Variants in PDZRN4 observed in about 807,000 individuals in gnomAD.
PDZRN4 encodes the protein PDZ domain containing ring finger 4.
PDZRN4 carries 70 observed loss-of-function variants against 99.0 expected under a neutral mutation model. The ratio of observed to expected loss-of-function variants is 0.71; its 90% CI spans 0.58 to 0.86. The LOEUF (loss-of-function observed/expected upper bound fraction) is 0.86. Among genes scored for constraint, PDZRN4 ranks in the 40% least tolerant of loss-of-function variants. The pLI is 0.00. For synonymous variants in PDZRN4, 551 were observed against 501.6 expected (o/e 1.10, Z -1.32); for missense variants, 1,474 against 1,331.2 (o/e 1.11, Z -1.67).
At chr12:41,520,345 G>A (rs1938472352) in intron 5 of PDZRN4, among the ~76,000 whole-genome samples, 1 of 151,800 alleles carries the variant, frequency 6.6e-6, no homozygotes, top group African/African-American at 2.4e-5. Context: ...CTTCAATATG[G>A]CTGACCTTGT....
chr12:41,545,518 T>C (rs1938932830), intron 5 of PDZRN4, among the ~76,000 whole-genome samples: 1 of 74,160 alleles, frequency 1.3e-5, no homozygotes, highest in African/African-American at 5.9e-5. Context: ...AATGTGTGTG[T>C]GTGTGTGTGT....
rs1592051139 is a variant in PDZRN4 at position 41,415,587 on chromosome 12, G to C, written c.844-90869G>C. ...TTGTTGTAAAGCATCCAACATTTTG[G>C]TGAAATTCAGACTTTGGGGAAGTAT... On this transcript the variant is annotated intron_variant, in intron 3 of 9. Transcript: ENST00000402685. 2.0e-5 allele frequency among the ~76,000 whole-genome samples: 3 copies of C among 152,098 alleles called. No individual in the cohort carries two copies. The South Asian group carries it at 6.2e-4, about 32-fold the overall frequency.
chr12:41,301,718 A>C (rs989083596), intron 3 of PDZRN4, among the ~76,000 whole-genome samples: 1 of 151,828 alleles, frequency 6.6e-6, no homozygotes, highest in Non-Finnish European at 1.5e-5. Context: ...ATAGCAAGAG[A>C]AAACAAGGTT....
intron 3 of PDZRN4, among the ~76,000 whole-genome samples, chr12:41,244,165 T>G (rs1951118269): frequency 6.6e-6 from 1 of 152,076 alleles, no homozygotes; most frequent in Admixed American, 6.5e-5. Flanking sequence ...CTCCCCCAAT[T>G]TGGTAAATGG....
Position 41,573,100 on chromosome 12 carries a change from G to A in PDZRN4, c.2321G>A (p.Ser774Asn). The change falls in exon 10 of 10, where the codon AGC becomes AAC. Residue 774 changes from serine to asparagine, a missense_variant. By Grantham distance (46) the Ser-to-Asn change is conservative (BLOSUM62 1). Coordinates refer to ENST00000402685, the MANE Select transcript of PDZRN4 (RefSeq NM_001164595.2). ...INLTNKKNLR[S>N]TMAATQSSSG... ...CTCACCAATAAGAAAAACCTGAGAA[G>A]CACAATGGCAGCCACCCAGTCCTCT... The A allele has an allele frequency of 6.2e-7, 1 of 1,614,072 alleles. No individual in the cohort carries two copies. The highest frequency in any genetic ancestry group is 8.5e-7 in the Non-Finnish European group (1 of 1,180,002).
rs774460540 is a variant in PDZRN4, at chr12:41,189,024, G to T, written c.569G>T (p.Arg190Leu). ...ALQGEVQLTA[R>L]RYQEKFTQYM... ...CAGGGCGAGGTGCAGCTCACGGCGC[G>T]CAGGTACCAGGAGAAGTTCACCCAA... The change falls in exon 1 of 10, where the codon CGC (arginine) becomes CTC (leucine). Residue 190 changes from arginine (R) to leucine (L), a missense_variant. Transcript: ENST00000402685. The T allele has an allele frequency of 2.6e-6, 4 of 1,563,474 alleles. No homozygotes were observed. The highest frequency in any genetic ancestry group is 3.4e-6 in the Non-Finnish European group (4 of 1,162,930).
intron 3 of PDZRN4, among the ~76,000 whole-genome samples, chr12:41,256,359 G>GA (rs1393777658): frequency 6.6e-6 from 1 of 151,718 alleles, no homozygotes; most frequent in Non-Finnish European, 1.5e-5. Flanking sequence ...TTTGCTCATT[G>GA]AAAAAAAATT....
intron 3 of PDZRN4, among the ~76,000 whole-genome samples, chr12:41,221,692 A>G (rs1401768322): frequency 6.6e-6 from 1 of 152,064 alleles, no homozygotes; most frequent in African/African-American, 2.4e-5. Flanking sequence ...TTAGCGGTCA[A>G]ATTACGGTGA....
chr12:41,270,701 C>G lies in PDZRN4; in HGVS notation c.843+76513C>G, dbSNP rs1232586097. Among the ~76,000 whole-genome samples, 4 of 152,066 alleles carry G rather than the reference C, an allele frequency of 2.6e-5. No individual in the cohort carries two copies. The East Asian group carries it at 7.7e-4, about 29-fold the overall frequency. On this transcript the variant is annotated intron_variant, in intron 3 of 9. Coordinates refer to ENST00000402685, the MANE Select transcript of PDZRN4 (RefSeq NM_001164595.2). ...TAACTATTTCTTGATATTTTTATAT[C>G]CTAACAGGATAGAGATGCAGCCAGT...
At chr12:41,441,157 T>C (rs1392390434) in intron 3 of PDZRN4, among the ~76,000 whole-genome samples, 1 of 152,146 alleles carries the variant, frequency 6.6e-6, no homozygotes, top group Non-Finnish European at 1.5e-5. Flanking sequence ...TAGAAGACCA[T>C]ACTATTAACA....
chr12:41,543,857 A>G (rs958848626), intron 5 of PDZRN4, among the ~76,000 whole-genome samples: 10 of 152,220 alleles, frequency 6.6e-5, no homozygotes, highest in Non-Finnish European at 1.3e-4. Context: ...TACCCAGTGA[A>G]CTAAATAAAA....
At chr12:41,477,980 T>C (rs1565593420) in intron 3 of PDZRN4, 1 of 1,048,068 alleles carries the variant, frequency 9.5e-7, no homozygotes, top group Non-Finnish European at 1.4e-6. Flanking sequence ...GTGAGCGAAT[T>C]AATCTACATG....
Position 41,188,547 on chromosome 12 carries a change from C to A in PDZRN4, c.92C>A (p.Thr31Lys), listed in dbSNP as rs1190306414. The A allele has an allele frequency of 6.4e-7, 1 of 1,566,492 alleles. No individual in the cohort carries two copies. Residue 31 changes from threonine to lysine, a missense_variant, in exon 1 of 10, where the codon ACG becomes AAG. Coordinates refer to ENST00000402685, the MANE Select transcript of PDZRN4 (RefSeq NM_001164595.2). ...CGQVLEEPLC[T>K]PCGHVFCASC... Reference sequence around the variant, plus strand: ...CAGGTGCTTGAAGAGCCCCTGTGCACGCCGTGCGGGCACGTCTTCTGCGCC... The same window carrying A: ...CAGGTGCTTGAAGAGCCCCTGTGCAAGCCGTGCGGGCACGTCTTCTGCGCC...
chr12:41,288,307 C>T (rs1319638352), intron 3 of PDZRN4, among the ~76,000 whole-genome samples: 2 of 152,046 alleles, frequency 1.3e-5, no homozygotes, highest in African/African-American at 4.8e-5. Context: ...AACTTTTACT[C>T]CTGAGGTCTG....
intron 5 of PDZRN4, among the ~76,000 whole-genome samples, chr12:41,535,812 A>C (rs1938739177): frequency 6.6e-6 from 1 of 152,080 alleles, no homozygotes; most frequent in Admixed American, 6.5e-5. Context: ...GAGGTTCTTC[A>C]CCAGATGCTG....
chr12:41,401,060 GTGAC>G, intron 3 of PDZRN4, among the ~76,000 whole-genome samples: 1 of 152,094 alleles, frequency 6.6e-6, no homozygotes, highest in African/African-American at 2.4e-5. Flanking sequence ...TTTCAAAGAG[GTGAC>G]TAATCATAAT....
chr12:41,198,627 G>A (rs1460362586), intron 3 of PDZRN4, among the ~76,000 whole-genome samples: 1 of 128,982 alleles, frequency 7.8e-6, no homozygotes, highest in Non-Finnish European at 1.6e-5. Flanking sequence ...GGGGGAGGGG[G>A]GAGGGATAGC....
In PDZRN4 at chr12:41,188,863, A is replaced by C. The variant is rs1303962168; in HGVS notation, c.408A>C (p.Thr136=). The C allele has an allele frequency of 4.2e-6, 5 of 1,204,246 alleles. No individual in the cohort carries two copies. In the African/African-American group the frequency reaches 8.0e-5, roughly 19 times the overall value. 74.6% of individuals were successfully genotyped at this position (1,204,246 alleles called of 1,614,324 possible). ...CCGCGCGGGGGGGCTGCGGTCCGACACCCAGGGCTGGCCGGGGCGGGGGCG... is the reference window on the plus strand; with the variant it reads ...CCGCGCGGGGGGGCTGCGGTCCGACCCCCAGGGCTGGCCGGGGCGGGGGCG... The part of the protein sequence containing the change: ...EVPARGGCGP[T]PRAGRGGGAR... Residue 136 remains threonine (T), a synonymous_variant, in exon 1 of 10, where the codon ACA becomes ACC. Transcript: ENST00000402685.
chr12:41,281,387 G>A (rs528047213), intron 3 of PDZRN4, among the ~76,000 whole-genome samples: 16 of 147,968 alleles, frequency 1.1e-4, no homozygotes, highest in African/African-American at 3.4e-4. Flanking sequence ...GACAGAAGTA[G>A]GCTTCAGAAG....
Sources: allele counts gnomAD v4.1 joint callset (sites outside exome capture counted in the v4.1 genomes callset), GRCh38; gene constraint gnomAD v4.1.1; transcripts MANE v1.5; gene names NCBI Gene and HGNC (gene_info 2026-07-23, HGNC 2026-07-21).